The following RINT1 variants were observed in gnomAD, a reference collection of about 807,000 sequenced individuals.
RINT1 encodes RAD50 interactor 1.
A neutral mutation model predicts 97.7 loss-of-function variants in RINT1; 75 were observed. That is an observed-to-expected ratio of 0.77 (90% CI 0.64 to 0.93). The LOEUF (loss-of-function observed/expected upper bound fraction) is 0.93. Ranked by LOEUF, RINT1 falls within the 40% of genes least tolerant of loss-of-function variation. RINT1 has a pLI of 0.00. For synonymous variants in RINT1, 303 were observed against 326.3 expected, an observed-to-expected ratio of 0.93 and a Z score of 0.77; for missense variants, 892 against 925.2, an observed-to-expected ratio of 0.96 and a Z score of 0.47.
At position 105,563,744 on chromosome 7, in the gene RINT1, A is replaced by C; in HGVS notation, c.1683A>C (p.Gln561His). ...ADWADNVFFL[Q>H]LQQAALEVFA... ...GTTTTTGCTTTCAGTTCTTTCTACA[A>C]CTTCAACAGGCTGCACTGGAGGTGT... is the stretch of plus-strand genomic sequence containing the variant. The change falls in exon 12 of 15, where the codon CAA becomes CAC. Residue 561 changes from glutamine to histidine, a missense_variant. Transcript: ENST00000257700. 1 of 1,612,216 alleles carries C rather than the reference A, an allele frequency of 6.2e-7. No homozygotes were observed. Among genetic ancestry groups the C allele is most frequent in the African/African-American group, 1.3e-5 (1 of 75,014 alleles).
At chr7:105,550,223 T>C (rs763800612) in intron 8 of RINT1, 38 bp from the exon 9 acceptor site, 2 of 1,608,582 alleles carry the variant, frequency 1.2e-6, no homozygotes, top group African/African-American at 2.7e-5. Flanking sequence ...CATGGATAAC[T>C]TTTTATTTAC....
chr7:105,533,903 T>C (rs1016984812), intron 2 of RINT1, among the ~76,000 whole-genome samples: 1 of 152,350 alleles, frequency 6.6e-6, no homozygotes, highest in East Asian at 1.9e-4. Flanking sequence ...GACTTTGACC[T>C]TGTTCCTCTT....
intron 10 of RINT1, 42 bp from the exon 11 acceptor site, chr7:105,554,986 T>C: frequency 6.6e-7 from 1 of 1,507,094 alleles, no homozygotes; most frequent in Non-Finnish European, 9.2e-7. Context: ...ATATCATAGA[T>C]GGTACCAAAA....
At chr7:105,540,868 C>T (rs1163279606) in intron 3 of RINT1, among the ~76,000 whole-genome samples, 3 of 142,198 alleles carry the variant, frequency 2.1e-5, no homozygotes, top group Admixed American at 7.2e-5. Flanking sequence ...TATGGAGTCT[C>T]GCTCTGTCAC....
chr7:105,552,932 A>G (rs1212065315), intron 10 of RINT1, among the ~76,000 whole-genome samples: 1 of 151,910 alleles, frequency 6.6e-6, no homozygotes, highest in Non-Finnish European at 1.5e-5. Flanking sequence ...TCGGCCTCCC[A>G]AAGTGCTGGG....
chr7:105,540,226 T>C (rs1471214998), intron 3 of RINT1, among the ~76,000 whole-genome samples: 1 of 151,670 alleles, frequency 6.6e-6, no homozygotes, highest in Non-Finnish European at 1.5e-5. Flanking sequence ...ATTACAGGCA[T>C]GCGCCACCAT....
At chr7:105,565,773 T>C (rs1791700841) in intron 14 of RINT1, 125 bp downstream of exon 14, 3 of 645,056 alleles carry the variant, frequency 4.7e-6, no homozygotes, top group African/African-American at 1.8e-5. Context: ...TAAAACATTG[T>C]CTATCTACTG....
intron 11 of RINT1, among the ~76,000 whole-genome samples, chr7:105,563,297 T>G (rs1791521108): frequency 6.6e-6 from 1 of 152,144 alleles, no homozygotes. Flanking sequence ...TTTTTCTTGG[T>G]GATGAAAATG....
rs1262999211 is a variant in RINT1 at position 105,567,284 on chromosome 7, G to C, written c.2352G>C (p.Arg784Ser). The change falls in exon 15 of 15, where the codon AGG becomes AGC. Residue 784 changes from arginine to serine, a missense_variant. Physicochemically the swap from Arg to Ser is moderately radical, Grantham distance 110. Coordinates refer to ENST00000257700, the MANE Select transcript of RINT1 (RefSeq NM_021930.6). ...ATGTTGAGATTCTACTTAATTTGAG[G>C]ACAAATTGGCCTAATACTGGAAAAT... ...QQDVEILLNLRTNWPNTGK is the reference protein window; with the variant it reads ...QQDVEILLNLSTNWPNTGK 1.2e-6 allele frequency: 2 copies of C among 1,606,554 alleles called. No individual in the cohort carries two copies. The highest frequency in any genetic ancestry group is 1.3e-5 in the African/African-American group (1 of 74,506).
chr7:105,561,514 G>A (rs376809843), intron 11 of RINT1, among the ~76,000 whole-genome samples: 1 of 152,100 alleles, frequency 6.6e-6, no homozygotes, highest in African/African-American at 2.4e-5. Context: ...GGGACAGAGT[G>A]AGACTCTTGT....
At chr7:105,566,115 CAA>C (rs5886358) in intron 14 of RINT1, among the ~76,000 whole-genome samples, 183 of 147,530 alleles carry the variant, frequency 1.2e-3, no homozygotes, top group African/African-American at 1.2e-3. Context: ...CTAAAAATAC[CAA>C]AAAAAAAAAA....
At chr7:105,547,887 C>G (rs758176532) in intron 6 of RINT1, among the ~76,000 whole-genome samples, 1 of 151,448 alleles carries the variant, frequency 6.6e-6, no homozygotes, top group Non-Finnish European at 1.5e-5. Context: ...ACCACTATGC[C>G]CAGCTAATTT....
intron 2 of RINT1, 126 bp downstream of exon 2, chr7:105,532,995 T>C (rs995643756): frequency 1.2e-6 from 1 of 829,826 alleles, no homozygotes; most frequent in African/African-American, 1.7e-5. Flanking sequence ...AATATGCTTA[T>C]ATGGTAATAC....
chr7:105,533,377 G>A (rs917062846), intron 2 of RINT1, among the ~76,000 whole-genome samples: 3 of 152,156 alleles, frequency 2.0e-5, no homozygotes, highest in African/African-American at 7.2e-5. Flanking sequence ...AGGGGGAAAA[G>A]GTCAGTACCA....
intron 9 of RINT1, among the ~76,000 whole-genome samples, chr7:105,550,857 C>T (rs747561298): frequency 3.9e-5 from 6 of 151,982 alleles, no homozygotes; most frequent in Non-Finnish European, 5.9e-5. Flanking sequence ...TGCGTTCAAG[C>T]GATTCTCCTG....
At chr7:105,538,669 C>T (rs943098985) in intron 3 of RINT1, among the ~76,000 whole-genome samples, 1 of 152,220 alleles carries the variant, frequency 6.6e-6, no homozygotes, top group African/African-American at 2.4e-5. Context: ...ATCTACCCAA[C>T]CTGTCCATTC....
At chr7:105,536,455 G>C (rs1226356410) in intron 2 of RINT1, 110 bp from the exon 3 acceptor site, 2 of 776,396 alleles carry the variant, frequency 2.6e-6, no homozygotes, top group Non-Finnish European at 3.9e-6. Flanking sequence ...CACCGTGCCT[G>C]GCAAAATTAT....
rs186648582 is a variant in RINT1 at position 105,543,127 on chromosome 7, C to A, written c.515+478C>A. On this transcript the variant is annotated intron_variant, in intron 4 of 14. Coordinates refer to ENST00000257700, the MANE Select transcript of RINT1 (RefSeq NM_021930.6). ...GGATGGTCTCGATCTCTTGACCTCA[C>A]TGTCCGCCAGCCTCGGCCGCTGGAA... 2.0e-3 allele frequency among the ~76,000 whole-genome samples: 297 copies of A among 152,094 alleles called. 3 individuals carry two copies. Among genetic ancestry groups the A allele is most frequent in the African/African-American group, 6.7e-3 (278 of 41,530 alleles).
chr7:105,553,693 G>T (rs1240268370), intron 10 of RINT1, among the ~76,000 whole-genome samples: 1 of 149,000 alleles, frequency 6.7e-6, no homozygotes, highest in Non-Finnish European at 1.5e-5. Context: ...GATTACAGGC[G>T]TGAGCCACCA....
Sources: allele counts gnomAD v4.1 joint callset (sites outside exome capture counted in the v4.1 genomes callset), GRCh38; gene constraint gnomAD v4.1.1; transcripts MANE v1.5; gene names NCBI Gene and HGNC (gene_info 2026-07-23, HGNC 2026-07-21).